Variants in TXNL1 observed in about 807,000 individuals in gnomAD.
The protein encoded by TXNL1 is thioredoxin-like protein 1.
In TXNL1, 14 loss-of-function variants were observed where a neutral mutation model predicts 35.5. That is an observed-to-expected ratio of 0.39 (90% confidence interval 0.26 to 0.62). The LOEUF (loss-of-function observed/expected upper bound fraction) is 0.62. TXNL1 is among the 20% of genes least tolerant of loss of function. The probability of loss-of-function intolerance (pLI) is 0.47; values close to 1 mark genes in which losing one functional copy is unlikely to be tolerated. For synonymous variants in TXNL1, 110 were observed against 115.5 expected (o/e 0.95, Z 0.31); for missense variants, 263 against 349.7 (o/e 0.75, Z 1.98).
chr18:56,626,499 G>T, intron 1 of TXNL1, 42 bp from the exon 2 acceptor site: 14 of 1,513,642 alleles, frequency 9.2e-6, no homozygotes, highest in Non-Finnish European at 1.3e-5. Context: ...ACTAAAGATT[G>T]TAATTCTAAA....
Position 56,626,585 on chromosome 18 carries a change from T to C in TXNL1, c.99-128A>G. ...TTGACTCTCTGTTTTTTTTGTTTTGTTTTGTTTTTTGCTTTAGACAGAGTC... is the reference window on the plus strand; with the variant it reads ...TTGACTCTCTGTTTTTTTTGTTTTGCTTTGTTTTTTGCTTTAGACAGAGTC... On this transcript the variant is annotated intron_variant, in intron 1 of 7. Coordinates refer to ENST00000217515, the MANE Select transcript of TXNL1 (RefSeq NM_004786.3). 3.4e-6 allele frequency: 3 copies of C among 888,088 alleles called. No individual in the cohort carries two copies. The South Asian group carries it at 5.8e-5, about 17-fold the overall frequency. 55.0% of individuals were successfully genotyped at this position (888,088 alleles called of 1,614,324 possible). A position where few individuals can be genotyped will look rare whatever the true frequency, so the allele number is the denominator to read the frequency against.
At chr18:56,635,567 TAG>T (rs2024443206) in intron 1 of TXNL1, among the ~76,000 whole-genome samples, 1 of 152,172 alleles carries the variant, frequency 6.6e-6, no homozygotes, top group African/African-American at 2.4e-5. Flanking sequence ...GACAAATTCA[TAG>T]AGACAGAAAG....
At chr18:56,617,539 C>G (rs1460134578) in intron 4 of TXNL1, among the ~76,000 whole-genome samples, 1 of 152,186 alleles carries the variant, frequency 6.6e-6, no homozygotes, top group Non-Finnish European at 1.5e-5. Flanking sequence ...AAAGCTTGAT[C>G]AAGGTGGTAA....
intron 2 of TXNL1, among the ~76,000 whole-genome samples, chr18:56,624,769 T>G (rs1309755940): frequency 5.3e-5 from 8 of 152,098 alleles, no homozygotes; most frequent in Non-Finnish European, 1.5e-5. Context: ...AGACAGATCT[T>G]TCATAATTAC....
chr18:56,616,739 T>C (rs543076153), intron 4 of TXNL1, among the ~76,000 whole-genome samples: 3 of 152,326 alleles, frequency 2.0e-5, no homozygotes, highest in Admixed American at 6.5e-5. Context: ...ACACAGGTTA[T>C]GCAGAGACTA....
chr18:56,623,001 A>G (rs948218540), intron 3 of TXNL1, among the ~76,000 whole-genome samples: 7 of 151,262 alleles, frequency 4.6e-5, no homozygotes, highest in Admixed American at 2.6e-4. Context: ...ACACACCCAT[A>G]TAGAAAGAAT....
At chr18:56,637,692 A>G (rs1307348170) in intron 1 of TXNL1, among the ~76,000 whole-genome samples, 1 of 152,212 alleles carries the variant, frequency 6.6e-6, no homozygotes, top group Non-Finnish European at 1.5e-5. Flanking sequence ...AATATATTAT[A>G]TATGTACTGT....
chr18:56,635,922 C>T (rs184633742), intron 1 of TXNL1, among the ~76,000 whole-genome samples: 2 of 152,198 alleles, frequency 1.3e-5, no homozygotes, highest in East Asian at 1.9e-4. Context: ...AAGGTAAATG[C>T]TATGTAAATA....
chr18:56,606,249 C>T (rs1292677708), intron 7 of TXNL1, among the ~76,000 whole-genome samples: 1 of 152,046 alleles, frequency 6.6e-6, no homozygotes, highest in African/African-American at 2.4e-5. Flanking sequence ...TAGCGGCGGG[C>T]ACCTGTAGTC....
In TXNL1 at chr18:56,618,139, T is replaced by A. The variant is rs1402773347; in HGVS notation, c.370-13A>T. Reference sequence around the variant, plus strand: ...GCATTAAATCCATCTGAAAAAAAATTGCAAGATTTTAGGCAACATATTTGG... The same window carrying A: ...GCATTAAATCCATCTGAAAAAAAATAGCAAGATTTTAGGCAACATATTTGG... On this transcript the variant is annotated splice_polypyrimidine_tract_variant and intron_variant, in intron 3 of 7. Coordinates refer to ENST00000217515, the MANE Select transcript of TXNL1 (RefSeq NM_004786.3). The A allele has an allele frequency of 1.2e-6, 2 of 1,611,328 alleles. No homozygotes were observed. Among genetic ancestry groups the A allele is most frequent in the African/African-American group, 1.3e-5 (1 of 74,908 alleles).
chr18:56,609,970 G>C (rs1357183586), intron 7 of TXNL1: 1 of 152,192 alleles, frequency 6.6e-6, no homozygotes, highest in African/African-American at 2.4e-5. Flanking sequence ...AATTTTGTAA[G>C]ATCATCCTCT....
chr18:56,631,740 T>A (rs2024374483), intron 1 of TXNL1, among the ~76,000 whole-genome samples: 1 of 151,956 alleles, frequency 6.6e-6, no homozygotes, highest in Non-Finnish European at 1.5e-5. Flanking sequence ...ACCAACATGG[T>A]GAAACCCCCG....
chr18:56,633,983 CAAAAAAA>C (rs71169380), intron 1 of TXNL1, among the ~76,000 whole-genome samples: 32 of 51,298 alleles, frequency 6.2e-4, no homozygotes, highest in African/African-American at 3.1e-3. Context: ...GACTCCATCT[CAAAAAAA>C]AAAAAAAAAA....
chr18:56,633,029 A>C (rs1030838713), intron 1 of TXNL1, among the ~76,000 whole-genome samples: 2 of 152,180 alleles, frequency 1.3e-5, no homozygotes, highest in Admixed American at 1.3e-4. Flanking sequence ...TCAACATCCT[A>C]ATATACACTG....
chr18:56,626,125 C>T (rs1034478116), intron 2 of TXNL1: 32 of 1,122,622 alleles, frequency 2.9e-5, no homozygotes, highest in Non-Finnish European at 3.5e-5. Flanking sequence ...TTAACAACAT[C>T]GTATTAATTT....
chr18:56,631,676 T>TG (rs1412645478), intron 1 of TXNL1, among the ~76,000 whole-genome samples: 4 of 152,192 alleles, frequency 2.6e-5, no homozygotes, highest in African/African-American at 9.6e-5. Context: ...CCCAGCACTG[T>TG]GGGGAGGCCA....
At chr18:56,606,638 C>T (rs778354912) in intron 7 of TXNL1, among the ~76,000 whole-genome samples, 2 of 152,148 alleles carry the variant, frequency 1.3e-5, no homozygotes, top group Non-Finnish European at 2.9e-5. Flanking sequence ...CTTTCCCAGT[C>T]GTTGGGGGAA....
intron 3 of TXNL1, 139 bp downstream of exon 3, chr18:56,624,149 T>C (rs1255221444): frequency 2.2e-6 from 2 of 917,646 alleles, no homozygotes; most frequent in African/African-American, 3.3e-5. Flanking sequence ...AGTCAGCTAA[T>C]AAATTTGAAA....
At position 56,635,009 on chromosome 18, in the gene TXNL1, C is replaced by T. The variant is rs554981930; in HGVS notation, c.98+3334G>A. On this transcript the variant is annotated intron_variant, in intron 1 of 7. Transcript: ENST00000217515. ...CAGCGCAGTGACTCACACCTGTAAC[C>T]CCAGCAATTTGGGATGCTGACGTGG... Among the ~76,000 whole-genome samples the T allele has an allele frequency of 2.0e-5, 3 of 152,296 alleles. No individual in the cohort carries two copies. In the South Asian group the frequency reaches 6.2e-4, roughly 32 times the overall value.
Sources: allele counts gnomAD v4.1 joint callset (sites outside exome capture counted in the v4.1 genomes callset), GRCh38; gene constraint gnomAD v4.1.1; transcripts MANE v1.5; gene names NCBI Gene and HGNC (gene_info 2026-07-23, HGNC 2026-07-21).